Variants in DISC1 observed in about 807,000 individuals in gnomAD.
The protein encoded by DISC1 is DISC1 scaffold protein, also known as disrupted in schizophrenia 1 protein.
DISC1 carries 57 observed loss-of-function variants against 84.5 expected under a neutral mutation model. The ratio of observed to expected loss-of-function variants is 0.67; its 90% CI spans 0.55 to 0.84. The LOEUF (loss-of-function observed/expected upper bound fraction) is 0.84. Among genes scored for constraint, DISC1 ranks in the 40% least tolerant of loss-of-function variants. The pLI is 0.00. For missense variants in DISC1, 1,000 were observed against 1,057.8 expected (o/e 0.95, Z 0.76); for synonymous variants, 411 against 415.2 (o/e 0.99, Z 0.12).
intron 6 of DISC1, chr1:231,771,408 T>C (rs1202760233): frequency 1.0e-6 from 1 of 985,318 alleles, no homozygotes; most frequent in Non-Finnish European, 1.2e-6. Context: ...ATGCCAACTT[T>C]TGCTGAGGAC....
chr1:231,690,291 CAA>C (rs2064836057), intron 1 of DISC1, among the ~76,000 whole-genome samples: 1 of 152,190 alleles, frequency 6.6e-6, no homozygotes, highest in Non-Finnish European at 1.5e-5. Flanking sequence ...TGTTGCGGAA[CAA>C]GAGTCCTCGA....
At chr1:231,842,307 A>C (rs534154355) in intron 9 of DISC1, among the ~76,000 whole-genome samples, 1 of 152,294 alleles carries the variant, frequency 6.6e-6, no homozygotes, top group South Asian at 2.1e-4. Context: ...CATTGCGCCC[A>C]GCCTTTTCGA....
At chr1:231,845,656 T>G (rs899559675) in intron 9 of DISC1, among the ~76,000 whole-genome samples, 2 of 151,850 alleles carry the variant, frequency 1.3e-5, no homozygotes, top group Admixed American at 1.3e-4. Flanking sequence ...GAAAGGCAAC[T>G]GGGTTCGGGA....
In DISC1 at chr1:231,694,048, G is replaced by C. The variant is rs150563134; in HGVS notation, c.290G>C (p.Ser97Thr). 5.0e-6 allele frequency: 8 copies of C among 1,614,090 alleles called. No individual in the cohort carries two copies. In the African/African-American group the frequency reaches 5.3e-5, roughly 11 times the overall value. Reference protein sequence around the residue: ...GLDSRGLLVRSPVSKSAAAPT... With the variant: ...GLDSRGLLVRTPVSKSAAAPT... ...GACTCGAGAGGCCTCTTGGTCCGGA[G>C]CCCTGTTTCCAAGAGTGCAGCAGCC... Residue 97 changes from serine (S) to threonine (T), a missense_variant, in exon 2 of 13, where the codon AGC (serine) becomes ACC (threonine). By Grantham distance (58) the Ser-to-Thr change is moderately conservative. This residue lies in a region of DISC1 where 292 missense variants were observed against 280.2 expected (regional missense o/e 1.04). Coordinates refer to ENST00000439617, the MANE Select transcript of DISC1 (RefSeq NM_018662.3).
At chr1:231,710,520 C>T (rs763681339) in intron 3 of DISC1, among the ~76,000 whole-genome samples, 1 of 152,184 alleles carries the variant, frequency 6.6e-6, no homozygotes, top group Non-Finnish European at 1.5e-5. Context: ...ATGTCTTAGT[C>T]TGCTTGGACT....
At chr1:231,651,949 G>A (rs904857233) in intron 1 of DISC1, among the ~76,000 whole-genome samples, 8 of 152,356 alleles carry the variant, frequency 5.3e-5, no homozygotes, top group South Asian at 2.1e-4. Context: ...TTGGAAAAAC[G>A]CAGTATTTGG....
At chr1:231,825,776 T>C (rs1328070427) in intron 9 of DISC1, among the ~76,000 whole-genome samples, 1 of 152,156 alleles carries the variant, frequency 6.6e-6, no homozygotes, top group Non-Finnish European at 1.5e-5. Flanking sequence ...GATTTGAAAA[T>C]ATGTTGTCAT....
intron 11 of DISC1, among the ~76,000 whole-genome samples, chr1:232,025,248 G>T (rs1403124292): frequency 6.6e-6 from 1 of 152,130 alleles, no homozygotes; most frequent in Non-Finnish European, 1.5e-5. Context: ...AAGAATGCAT[G>T]GGCAAAAAGA....
intron 9 of DISC1, chr1:231,819,208 T>C: frequency 1.2e-6 from 1 of 845,814 alleles, no homozygotes; most frequent in Non-Finnish European, 1.4e-6. Context: ...CTAAAACAAA[T>C]GAAAGAAATA....
intron 9 of DISC1, among the ~76,000 whole-genome samples, chr1:231,821,232 A>G (rs1255462667): frequency 6.6e-6 from 1 of 152,192 alleles, no homozygotes; most frequent in Admixed American, 6.5e-5. Context: ...GCAGATCTGG[A>G]CCTTGAATCT....
At chr1:231,705,318 C>CAGA (rs1200955045) in intron 3 of DISC1, among the ~76,000 whole-genome samples, 1 of 60,380 alleles carries the variant, frequency 1.7e-5, no homozygotes, top group East Asian at 4.6e-4. Context: ...AAAAAAAAAT[C>CAGA]ATTAAAAAAA....
chr1:231,976,422 G>A (rs1662807640), intron 10 of DISC1, among the ~76,000 whole-genome samples: 3 of 152,128 alleles, frequency 2.0e-5, no homozygotes, highest in Non-Finnish European at 4.4e-5. Flanking sequence ...TGAAAAAGCC[G>A]GGGTGACCTT....
intron 9 of DISC1, among the ~76,000 whole-genome samples, chr1:231,896,263 T>A (rs2126015998): frequency 6.6e-6 from 1 of 152,222 alleles, no homozygotes; most frequent in South Asian, 2.1e-4. Context: ...TACCCTACAT[T>A]TTCCCTGAAC....
At chr1:231,992,638 A>G (rs1665372509) in intron 10 of DISC1, among the ~76,000 whole-genome samples, 1 of 152,194 alleles carries the variant, frequency 6.6e-6, no homozygotes, top group African/African-American at 2.4e-5. Context: ...GGCAGCTTAG[A>G]AGCCAATACT....
intron 3 of DISC1, among the ~76,000 whole-genome samples, chr1:231,737,653 G>A (rs2125238715): frequency 1.3e-5 from 2 of 152,256 alleles, no homozygotes; most frequent in South Asian, 4.1e-4. Flanking sequence ...CACAAATACA[G>A]CACTTGTAGT....
intron 9 of DISC1, among the ~76,000 whole-genome samples, chr1:231,903,068 AT>A (rs11410909): frequency 0.013 from 1,755 of 134,962 alleles, 27 homozygotes; most frequent in African/African-American, 0.04. Context: ...TCTCTCTCTC[AT>A]TTTTTTTTTT....
At chr1:231,932,939 C>T (rs2090758555) in intron 9 of DISC1, among the ~76,000 whole-genome samples, 1 of 152,198 alleles carries the variant, frequency 6.6e-6, no homozygotes, top group African/African-American at 2.4e-5. Flanking sequence ...TACTTTCAAA[C>T]TGAAGCCCAA....
intron 1 of DISC1, among the ~76,000 whole-genome samples, chr1:231,668,463 C>T (rs1012257287): frequency 1.3e-5 from 2 of 152,114 alleles, no homozygotes; most frequent in African/African-American, 4.8e-5. Context: ...CATTCCTGTC[C>T]AGGTGTGGGA....
chr1:231,850,461 T>C (rs940645231), intron 9 of DISC1, among the ~76,000 whole-genome samples: 4 of 152,254 alleles, frequency 2.6e-5, no homozygotes, highest in Non-Finnish European at 5.9e-5. Flanking sequence ...TCACATGTCC[T>C]TGGGGTGATG....
Sources: gnomAD v4.1 joint callset for allele counts (sites outside exome capture counted in the v4.1 genomes callset) on GRCh38, gnomAD v4.1.1 for gene constraint, gnomAD v4.1.1 regional missense constraint, MANE v1.5 for transcripts, NCBI Gene and HGNC (gene_info 2026-07-23, HGNC 2026-07-21) for gene names.